The following PIK3C2G variants were observed in gnomAD, a reference collection of about 807,000 sequenced individuals.
The protein encoded by PIK3C2G is phosphatidylinositol-4-phosphate 3-kinase catalytic subunit type 2 gamma.
Under a neutral mutation model 181.1 loss-of-function variants are expected in PIK3C2G, and 168 were observed. The observed-to-expected ratio is 0.93, with a 90% CI of 0.82 to 1.05. The LOEUF (loss-of-function observed/expected upper bound fraction) is 1.05. PIK3C2G is among the 50% of genes least tolerant of loss of function. PIK3C2G has a pLI of 0.00. For missense variants in PIK3C2G, 1,869 were observed against 1,732.8 expected (o/e 1.08, Z -1.40); for synonymous variants, 573 against 592.2 (o/e 0.97, Z 0.47).
At chr12:18,539,065 T>G (rs1443281431) in intron 25 of PIK3C2G, among the ~76,000 whole-genome samples, 1 of 151,932 alleles carries the variant, frequency 6.6e-6, no homozygotes. Context: ...AGCATGGGAT[T>G]TGGAGTCTAT....
Position 18,371,191 on chromosome 12 carries a change from C to G in PIK3C2G, c.1760C>G (p.Pro587Arg). The change falls in exon 13 of 33, where the codon CCC (proline) becomes CGC (arginine). Residue 587 changes from proline (P) to arginine (R), a missense_variant. Pro to Arg is a moderately radical substitution (Grantham distance 103). Transcript: ENST00000538779. Reference protein sequence around the residue: ...LVNWNETINFPLEIKSLPRES... With the variant: ...LVNWNETINFRLEIKSLPRES... ...TCTTTTATTCTCAGGATCAATTTTC[C>G]CCTTGAAATAAAGTCACTTCCAAGG... The G allele has an allele frequency of 6.2e-7, 1 of 1,607,114 alleles. No individual in the cohort carries two copies. Among genetic ancestry groups the G allele is most frequent in the Non-Finnish European group, 8.5e-7 (1 of 1,176,260 alleles).
intron 31 of PIK3C2G, among the ~76,000 whole-genome samples, chr12:18,624,391 G>A (rs573814161): frequency 1.3e-4 from 20 of 151,642 alleles, no homozygotes; most frequent in East Asian, 1.9e-4. Context: ...CCACTTGTTC[G>A]TCGTCAATGA....
At position 18,538,306 on chromosome 12, in the gene PIK3C2G, G is replaced by A. The variant is rs1342113427; in HGVS notation, c.3474G>A (p.Leu1158=). The change falls in exon 25 of 33, where the codon CTG becomes CTA. Residue 1158 remains leucine (L), a synonymous_variant. Coordinates refer to ENST00000538779, the MANE Select transcript of PIK3C2G (RefSeq NM_001288772.2). ...RKHSQLLLNL[L]EMMLYAGLPE... ...ACAGCCAACTGCTCTTGAACCTGCT[G>A]GAAATGGTAAGTCCCTTGGGAAAAA... is the stretch of plus-strand genomic sequence containing the variant. 5.6e-6 allele frequency: 9 copies of A among 1,599,158 alleles called. No homozygotes were observed. The African/African-American group carries it at 8.2e-5, about 15-fold the overall frequency.
rs971034663 is a variant in PIK3C2G at position 18,638,817 on chromosome 12, TGTTTTACCCACTAA to T, written c.4183-1594_4183-1581del. On this transcript the variant is annotated intron_variant, in intron 31 of 32. Transcript: ENST00000538779. The stretch of plus-strand genomic sequence containing the variant: ...ATCAGAAAATCCATTTCCAGAAACA[TGTTTTACCCACTAA>T]GTTTTACCCACTAAGTTGCAGTATC... Among the ~76,000 whole-genome samples, 87 of 152,184 alleles carry T rather than the reference TGTTTTACCCACTAA, an allele frequency of 5.7e-4. 1 individual carries two copies. The highest frequency in any genetic ancestry group is 3.4e-3 in the Middle Eastern group (1 of 294).
intron 9 of PIK3C2G, among the ~76,000 whole-genome samples, chr12:18,341,949 C>T (rs1453967500): frequency 2.6e-5 from 4 of 152,020 alleles, no homozygotes; most frequent in African/African-American, 9.7e-5. Flanking sequence ...GACAAACATA[C>T]TTGTACTCTA....
At chr12:18,437,370 TA>T (rs1946505709) in intron 18 of PIK3C2G, among the ~76,000 whole-genome samples, 1 of 151,974 alleles carries the variant, frequency 6.6e-6, no homozygotes, top group Non-Finnish European at 1.5e-5. Context: ...ACTTGGATAT[TA>T]CAATCAAACA....
intron 18 of PIK3C2G, among the ~76,000 whole-genome samples, chr12:18,453,144 T>C (rs1947454020): frequency 6.6e-6 from 1 of 152,178 alleles, no homozygotes; most frequent in Non-Finnish European, 1.5e-5. Flanking sequence ...CTCATTTATC[T>C]AATATTGACA....
intron 18 of PIK3C2G, among the ~76,000 whole-genome samples, chr12:18,438,440 G>A (rs1946561850): frequency 6.6e-6 from 1 of 151,846 alleles, no homozygotes; most frequent in South Asian, 2.1e-4. Context: ...TAACTTTTCT[G>A]CTTTGACTAC....
At chr12:18,383,817 T>A (rs1450059139) in intron 14 of PIK3C2G, among the ~76,000 whole-genome samples, 1 of 151,586 alleles carries the variant, frequency 6.6e-6, no homozygotes, top group Non-Finnish European at 1.5e-5. Context: ...GGGTGTTTTT[T>A]TTTTGAGACA....
the PIK3C2G span, among the ~76,000 whole-genome samples, chr12:18,720,072 T>G: frequency 1.3e-5 from 2 of 152,138 alleles, no homozygotes; most frequent in African/African-American, 4.8e-5. Context: ...ATTAGTTTTC[T>G]TTGGTTGTTG....
At chr12:18,545,655 T>C (rs2136271887) in intron 25 of PIK3C2G, among the ~76,000 whole-genome samples, 1 of 152,064 alleles carries the variant, frequency 6.6e-6, no homozygotes, top group South Asian at 2.1e-4. Flanking sequence ...AAATATCTTA[T>C]ACAATTCATC....
intron 13 of PIK3C2G, among the ~76,000 whole-genome samples, chr12:18,371,912 T>C (rs2137882094): frequency 6.6e-6 from 1 of 152,224 alleles, no homozygotes; most frequent in Middle Eastern, 3.4e-3. Context: ...AGGAAAAATA[T>C]TTTTTAAAAA....
rs747027566 is a variant in PIK3C2G at position 18,648,024 on chromosome 12, T to C, written c.4457T>C (p.Ile1486Thr). Residue 1486 changes from isoleucine (I) to threonine (T), a missense_variant, in exon 33 of 33, where the codon ATT becomes ACT. By Grantham distance (89) the Ile-to-Thr change is moderately conservative (BLOSUM62 -1). Coordinates refer to ENST00000538779, the MANE Select transcript of PIK3C2G (RefSeq NM_001288772.2). ...EKWYPLGNSI[I>T] ...TGGTATCCATTAGGAAACAGTATAA[T>C]TTGACCATTGCTATGAACATATGCA... 6.3e-7 allele frequency: 1 copy of C among 1,586,218 alleles called. No individual in the cohort carries two copies. The highest frequency in any genetic ancestry group is 1.4e-5 in the African/African-American group (1 of 73,772).
chr12:18,462,601 C>T (rs1306239627), intron 18 of PIK3C2G, among the ~76,000 whole-genome samples: 4 of 152,092 alleles, frequency 2.6e-5, no homozygotes, highest in Non-Finnish European at 4.4e-5. Context: ...TGGGCCAGTG[C>T]CCATGGGAAA....
At chr12:18,681,682 G>T in the PIK3C2G span, among the ~76,000 whole-genome samples, 1 of 151,934 alleles carries the variant, frequency 6.6e-6, no homozygotes, top group African/African-American at 2.4e-5. Context: ...AATATTTCTC[G>T]CAAAGTCCGT....
chr12:18,626,815 AT>A (rs1234053724), intron 31 of PIK3C2G, among the ~76,000 whole-genome samples: 1 of 151,134 alleles, frequency 6.6e-6, no homozygotes, highest in African/African-American at 2.4e-5. Flanking sequence ...TGCTCTCAGA[AT>A]TTTTTCTTTG....
intron 18 of PIK3C2G, among the ~76,000 whole-genome samples, chr12:18,447,980 T>G (rs536789109): frequency 6.6e-6 from 1 of 152,280 alleles, no homozygotes; most frequent in African/African-American, 2.4e-5. Context: ...ATCTTTGTGA[T>G]AGATTCTTCC....
chr12:18,639,577 A>T (rs568948016), intron 31 of PIK3C2G, among the ~76,000 whole-genome samples: 1 of 152,338 alleles, frequency 6.6e-6, no homozygotes, highest in South Asian at 2.1e-4. Context: ...TCACAAAGGT[A>T]AAATCCATTT....
chr12:18,624,443 T>C (rs1309327230), intron 31 of PIK3C2G, among the ~76,000 whole-genome samples: 3 of 151,762 alleles, frequency 2.0e-5, no homozygotes, highest in Admixed American at 6.6e-5. Context: ...TAGTATTTTG[T>C]TGAGGATTTT....
Sources: allele counts gnomAD v4.1 joint callset (sites outside exome capture counted in the v4.1 genomes callset), GRCh38; gene constraint gnomAD v4.1.1; transcripts MANE v1.5; gene names NCBI Gene and HGNC (gene_info 2026-07-23, HGNC 2026-07-21).